The following ARHGEF25 variants were observed in gnomAD, a reference collection of about 807,000 sequenced individuals.
The protein encoded by ARHGEF25 is RAC/CDC42 exchange factor.
ARHGEF25 carries 42 observed loss-of-function variants against 74.0 expected under a neutral mutation model. The ratio of observed to expected loss-of-function variants is 0.57; its 90% CI spans 0.44 to 0.73. ARHGEF25 has a LOEUF of 0.73. ARHGEF25 is among the 30% of genes least tolerant of loss of function. The pLI, the probability that ARHGEF25 is intolerant of heterozygous loss-of-function variation, is 0.00. For synonymous variants in ARHGEF25, 293 were observed against 278.6 expected (o/e 1.05, Z -0.51); for missense variants, 645 against 725.5 (o/e 0.89, Z 1.27).
At chr12:57,611,032 A>G (rs1436732900), upstream of ARHGEF25, among the ~76,000 whole-genome samples, 1 of 152,144 alleles carries the variant, frequency 6.6e-6, no homozygotes, top group Non-Finnish European at 1.5e-5. The surrounding 1 kb of genome is among the most constrained non-coding windows in gnomAD (Gnocchi z 4.5). Flanking sequence ...TCACCCACAA[A>G]AGACTCCCCA....
At chr12:57,610,709 GCA>G (rs1386308107), upstream of ARHGEF25, 1 of 1,585,488 alleles carries the variant, frequency 6.3e-7, no homozygotes, top group Non-Finnish European at 8.6e-7. Context: ...GTGGGGTGGG[GCA>G]CAGTTTGCTA....
chr12:57,610,254 AC>A (rs1565724454), upstream of ARHGEF25: 1 of 1,580,778 alleles, frequency 6.3e-7, no homozygotes, highest in Non-Finnish European at 8.6e-7. Flanking sequence ...GGCCGCACTG[AC>A]CGGATACTGG....
intron 1 of ARHGEF25, 50 bp downstream of exon 1, chr12:57,612,041 G>C (rs1884078071): frequency 7.9e-7 from 1 of 1,258,898 alleles, no homozygotes; most frequent in Non-Finnish European, 1.0e-6. Flanking sequence ...GCGGGCTGGG[G>C]GTTCAGGGCA....
At chr12:57,616,147 T>G (rs1190989420) in intron 13 of ARHGEF25, 130 bp downstream of exon 13, 2 of 1,463,362 alleles carry the variant, frequency 1.4e-6, no homozygotes, top group Non-Finnish European at 1.8e-6. Context: ...AGCTCAAAAT[T>G]TGATAGAATC....
chr12:57,615,275 C>CAACGAT lies in ARHGEF25; in HGVS notation c.1001_1006dup (p.Asn334_Asp335dup). 1 of 1,609,074 alleles carries CAACGAT rather than the reference C, an allele frequency of 6.2e-7. No homozygotes were observed. The highest frequency in any genetic ancestry group is 2.2e-5 in the East Asian group (1 of 44,796). ...TCATGTGCTTTGTGCCCAAGCGCTG[C>CAACGAT]AACGATATGATGACGCTGGGGAGAT... is the stretch of plus-strand genomic sequence containing the variant. On this transcript the variant is annotated inframe_insertion, in exon 11 of 15. Transcript: ENST00000286494.
At chr12:57,612,041 G>T in intron 1 of ARHGEF25, 50 bp downstream of exon 1, 1 of 1,259,022 alleles carries the variant, frequency 7.9e-7, no homozygotes, top group South Asian at 3.5e-5. Context: ...GCGGGCTGGG[G>T]GTTCAGGGCA....
Position 57,615,007 on chromosome 12 carries a change from C to T in ARHGEF25, c.950C>T (p.Ala317Val), listed in dbSNP as rs1391888500. ...TACAATAGAGCTGGGATGGATACTG[C>T]AGACCTAGAGGTGAGGACCCCAGAT... ...KYYNRAGMDT[A>V]DLEQAVEVMC... Residue 317 changes from alanine to valine, a missense_variant, in exon 10 of 15, where the codon GCA becomes GTA. Physicochemically the swap from Ala to Val is moderately conservative, Grantham distance 64. Transcript: ENST00000286494. 6.2e-7 allele frequency: 1 copy of T among 1,614,086 alleles called. No individual in the cohort carries two copies. Among genetic ancestry groups the T allele is most frequent in the South Asian group, 1.1e-5 (1 of 91,080 alleles).
chr12:57,615,499 CT>C lies in ARHGEF25; in HGVS notation c.1039-9del. ...TTGTTCTTTTTCCAAGGCCACTATC[CT>C]TTTGGTTTCAGGGCAAACTGACTGC... On this transcript the variant is annotated splice_polypyrimidine_tract_variant and intron_variant, in intron 11 of 14. Coordinates refer to ENST00000286494, the MANE Select transcript of ARHGEF25 (RefSeq NM_182947.4). 2 of 1,614,118 alleles carry C rather than the reference CT, an allele frequency of 1.2e-6. No individual in the cohort carries two copies. The highest frequency in any genetic ancestry group is 1.7e-6 in the Non-Finnish European group (2 of 1,180,014).
At chr12:57,615,741 G>A in intron 12 of ARHGEF25, 29 bp downstream of exon 12, 1 of 1,613,862 alleles carries the variant, frequency 6.2e-7, no homozygotes, top group African/African-American at 1.3e-5. Flanking sequence ...GGGAGGGCTT[G>A]GAGAGAGAGA....
chr12:57,615,670 A>T lies in ARHGEF25; in HGVS notation c.1197A>T (p.Arg399Ser). The change falls in exon 12 of 15, where the codon AGA (arginine) becomes AGT (serine). Residue 399 changes from arginine to serine, a missense_variant. Physicochemically the swap from Arg to Ser is moderately radical, Grantham distance 110 (BLOSUM62 -1). Around this residue, in one of 3 missense-constraint regions of ARHGEF25, gnomAD observed 262 missense variants for 256.9 expected, o/e 1.02. Transcript: ENST00000286494. ...IFSEALGGGV[R>S]GGTQPGYVYK... ...GTGAAGCCCTGGGAGGAGGAGTGAGAGGTGGAACACAGCCTGGATATGTAT... is the reference window on the plus strand; with the variant it reads ...GTGAAGCCCTGGGAGGAGGAGTGAGTGGTGGAACACAGCCTGGATATGTAT... 6.2e-7 allele frequency: 1 copy of T among 1,614,072 alleles called. No homozygotes were observed. The highest frequency in any genetic ancestry group is 8.5e-7 in the Non-Finnish European group (1 of 1,180,000).
rs1322621365 is a variant in ARHGEF25 at position 57,616,405 on chromosome 12, C to T, written c.1542C>T (p.Ser514=). 6.3e-6 allele frequency: 10 copies of T among 1,598,004 alleles called. No homozygotes were observed. The highest frequency in any genetic ancestry group is 8.6e-6 in the Non-Finnish European group (10 of 1,168,064). ...RIQLGDQAQG[S]THTPINGSLP... ...AGCTTGGAGATCAGGCCCAGGGCAGCACACACACACCCATCAATGGCTCTC... is the reference window on the plus strand; with the variant it reads ...AGCTTGGAGATCAGGCCCAGGGCAGTACACACACACCCATCAATGGCTCTC... The change falls in exon 14 of 15, where the codon AGC becomes AGT. Residue 514 remains serine (S), a synonymous_variant. Transcript: ENST00000286494.
In ARHGEF25 at chr12:57,611,665, G is replaced by C. The variant is rs1445607956; in HGVS notation, c.-230G>C. The C allele has an allele frequency of 9.2e-7, 1 of 1,085,764 alleles. No individual in the cohort carries two copies. The highest frequency in any genetic ancestry group is 5.2e-5 in the East Asian group (1 of 19,076). 67.3% of individuals were successfully genotyped at this position (1,085,764 alleles called of 1,614,324 possible). A position where few individuals can be genotyped will look rare whatever the true frequency, so the allele number is the denominator to read the frequency against. On this transcript the variant is annotated 5_prime_UTR_variant, in exon 1 of 15. Coordinates refer to ENST00000286494, the MANE Select transcript of ARHGEF25 (RefSeq NM_182947.4). The surrounding 1 kb of genome is among the most constrained non-coding windows in gnomAD (Gnocchi z 4.5). The stretch of plus-strand genomic sequence containing the variant: ...TCCGGAAACCCTCCCCGCCCAGCCC[G>C]GCGGCCGGGCCCCGCGCCTCTCTCT...
At chr12:57,611,314 T>G, upstream of ARHGEF25, 1 of 354,990 alleles carries the variant, frequency 2.8e-6, no homozygotes, top group Non-Finnish European at 3.9e-6. The surrounding 1 kb of genome is among the most constrained non-coding windows in gnomAD (Gnocchi z 4.5). Flanking sequence ...AACGTGGTGG[T>G]GTCTGGGGGA....
chr12:57,611,903 G>A lies in ARHGEF25; in HGVS notation c.9G>A (p.Gly3=), dbSNP rs371796937. 4 of 1,256,176 alleles carry A rather than the reference G, an allele frequency of 3.2e-6. No individual in the cohort carries two copies. Among genetic ancestry groups the A allele is most frequent in the Non-Finnish European group, 4.1e-6 (4 of 976,368 alleles). The allele number at this position is 1,256,176 out of a possible 1,614,324, so 77.8% of individuals were successfully genotyped here. A position where few individuals can be genotyped will look rare whatever the true frequency, so the allele number is the denominator to read the frequency against. ...GGGGGGGCCCGGGCGCCATGCGGGG[G>A]GGGCACAAAGGGGGTCGCTGTGCCT... The part of the protein sequence containing the change: MR[G]GHKGGRCACP... Residue 3 remains glycine, a synonymous_variant, in exon 1 of 15, where the codon GGG becomes GGA. Transcript: ENST00000286494. This position sits in a 1 kb window ranked among gnomAD's most constrained non-coding sequence, Gnocchi z 4.5.
intron 14 of ARHGEF25, 116 bp from the exon 15 acceptor site, chr12:57,616,664 TCAGA>T: frequency 1.0e-6 from 1 of 980,070 alleles, no homozygotes; most frequent in Non-Finnish European, 1.6e-6. Flanking sequence ...GCTGATAGTC[TCAGA>T]CAGTCTAAGA....
upstream of ARHGEF25, chr12:57,610,733 G>A: frequency 4.7e-6 from 7 of 1,495,180 alleles, no homozygotes; most frequent in Middle Eastern, 8.8e-4. Flanking sequence ...CCTGCGCCAA[G>A]TGGCGAATTC....
At position 57,612,914 on chromosome 12, in the gene ARHGEF25, T is replaced by C; in HGVS notation, c.98-16T>C. On this transcript the variant is annotated splice_polypyrimidine_tract_variant and intron_variant, in intron 1 of 14. Coordinates refer to ENST00000286494, the MANE Select transcript of ARHGEF25 (RefSeq NM_182947.4). ...GGGGCAAGGTCTATCACCTCCTCTC[T>C]TTTTCCTCCCATTAGAATCCTATTC... 2 of 1,609,778 alleles carry C rather than the reference T, an allele frequency of 1.2e-6. No individual in the cohort carries two copies. Among genetic ancestry groups the C allele is most frequent in the South Asian group, 2.2e-5 (2 of 90,888 alleles).
intron 1 of ARHGEF25, chr12:57,612,729 C>A: frequency 6.9e-7 from 1 of 1,454,698 alleles, no homozygotes; most frequent in Admixed American, 2.4e-5. Flanking sequence ...GAGAGCCAGG[C>A]GTTTACCTTA....
rs781129004 is a variant in ARHGEF25, at chr12:57,616,437, C to G, written c.1574C>G (p.Ser525Cys). 1.2e-6 allele frequency: 2 copies of G among 1,614,196 alleles called. No individual in the cohort carries two copies. The highest frequency in any genetic ancestry group is 1.7e-6 in the Non-Finnish European group (2 of 1,180,036). Reference protein sequence around the residue: ...THTPINGSLPSLLLSPKGEVA... With the variant: ...THTPINGSLPCLLLSPKGEVA... ...ACACCCATCAATGGCTCTCTCCCCT[C>G]TCTGCTGCTGTCACCCAAAGGGGAG... The change falls in exon 14 of 15, where the codon TCT becomes TGT. Residue 525 changes from serine (S) to cysteine (C), a missense_variant. Physicochemically the swap from Ser to Cys is moderately radical, Grantham distance 112. Around this residue, in one of 3 missense-constraint regions of ARHGEF25, gnomAD observed 262 missense variants for 256.9 expected, o/e 1.02. Coordinates refer to ENST00000286494, the MANE Select transcript of ARHGEF25 (RefSeq NM_182947.4).
Sources: gnomAD v4.1 joint callset for allele counts (sites outside exome capture counted in the v4.1 genomes callset) on GRCh38, gnomAD v4.1.1 for gene constraint, gnomAD v4.1.1 regional missense constraint, Gnocchi (gnomAD v3.1) non-coding constraint, MANE v1.5 for transcripts, NCBI Gene and HGNC (gene_info 2026-07-23, HGNC 2026-07-21) for gene names.